The following SMARCA2 variants were observed in gnomAD, a reference collection of about 807,000 sequenced individuals.
SMARCA2 encodes SWI/SNF-related matrix-associated actin-dependent regulator of chromatin subfamily A member 2.
SMARCA2 carries 61 observed loss-of-function variants against 199.8 expected under a neutral mutation model. The ratio of observed to expected loss-of-function variants is 0.31; its 90% CI spans 0.25 to 0.38. The LOEUF (loss-of-function observed/expected upper bound fraction) is 0.38. SMARCA2 is among the 10% of genes least tolerant of loss of function. SMARCA2 has a pLI of 1.00. For synonymous variants in SMARCA2, 935 were observed against 732.0 expected (o/e 1.28, Z -4.48); for missense variants, 1,344 against 2,012.2 (o/e 0.67, Z 6.35).
chr9:2,090,876 G>T (rs1231375075), intron 19 of SMARCA2, among the ~76,000 whole-genome samples: 1 of 151,546 alleles, frequency 6.6e-6, no homozygotes, highest in Non-Finnish European at 1.5e-5. Context: ...TTTAGCCTGG[G>T]GAAAGTTGGA....
chr9:2,057,156 G>A (rs73638370), intron 7 of SMARCA2, among the ~76,000 whole-genome samples: 2,575 of 152,304 alleles, frequency 0.017, 75 homozygotes, highest in African/African-American at 0.058. Flanking sequence ...AGCAACAGAA[G>A]TTTATTTTTC....
chr9:2,058,662 A>T (rs558949058), intron 8 of SMARCA2, among the ~76,000 whole-genome samples, 198 bp downstream of exon 8: 1 of 152,240 alleles, frequency 6.6e-6, no homozygotes, highest in African/African-American at 2.4e-5. Context: ...ATCTAGGGGG[A>T]TGACTGATGC....
At chr9:2,167,341 A>G (rs1399385386) in intron 28 of SMARCA2, among the ~76,000 whole-genome samples, 1 of 152,256 alleles carries the variant, frequency 6.6e-6, no homozygotes, top group Non-Finnish European at 1.5e-5. Context: ...GGAAACAGAA[A>G]GTGAATAGGG....
intron 27 of SMARCA2, among the ~76,000 whole-genome samples, chr9:2,124,428 G>C (rs1030206059): frequency 3.3e-5 from 5 of 152,188 alleles, no homozygotes; most frequent in African/African-American, 1.2e-4. Flanking sequence ...TTATTTTGTA[G>C]ACCCATAGTA....
intron 13 of SMARCA2, 122 bp from the exon 14 acceptor site, chr9:2,077,507 G>C: frequency 1.1e-6 from 1 of 909,210 alleles, no homozygotes; most frequent in Non-Finnish European, 1.7e-6. Context: ...GGCAAGTCGT[G>C]GTTGATAAAT....
intron 27 of SMARCA2, among the ~76,000 whole-genome samples, chr9:2,124,458 C>T (rs1183799978): frequency 6.6e-6 from 1 of 152,142 alleles, no homozygotes; most frequent in East Asian, 1.9e-4. Context: ...CTGGAAGGTA[C>T]CTTTGTACTT....
At position 2,161,694 on chromosome 9, in the gene SMARCA2, A is replaced by G. The variant is rs749281899; in HGVS notation, c.3990A>G (p.Glu1330=). The G allele has an allele frequency of 6.2e-7, 1 of 1,612,712 alleles. No homozygotes were observed. Among genetic ancestry groups the G allele is most frequent in the South Asian group, 1.1e-5 (1 of 91,024 alleles). Residue 1330 remains glutamate, a synonymous_variant, in exon 28 of 34, where the codon GAA becomes GAG. Transcript: ENST00000349721. The surrounding 1 kb of genome is among the most constrained non-coding windows in gnomAD (Gnocchi z 4.7). ...LTEKQWLRAI[E]DGNLEEMEEE... Reference sequence around the variant, plus strand: ...TTGTTTCCAACGAACAGGCCATCGAAGACGGCAATTTGGAGGAAATGGAAG... The same window carrying G: ...TTGTTTCCAACGAACAGGCCATCGAGGACGGCAATTTGGAGGAAATGGAAG...
chr9:2,111,960 T>C (rs1263347670), intron 24 of SMARCA2, among the ~76,000 whole-genome samples: 4 of 152,230 alleles, frequency 2.6e-5, no homozygotes, highest in Admixed American at 6.5e-5. Context: ...TTGAAAAGGA[T>C]TGGGAGCCAC....
chr9:2,059,654 C>G (rs1820500008), intron 8 of SMARCA2, among the ~76,000 whole-genome samples: 2 of 152,196 alleles, frequency 1.3e-5, no homozygotes, highest in South Asian at 2.1e-4. Flanking sequence ...TTTTATCACT[C>G]TTTCTTCAAG....
intron 27 of SMARCA2, among the ~76,000 whole-genome samples, chr9:2,135,309 G>A (rs1238792450): frequency 6.6e-6 from 1 of 152,166 alleles, no homozygotes; most frequent in East Asian, 1.9e-4. Context: ...ATGTGGGTGA[G>A]GGTGAATCTT....
At chr9:2,078,049 C>G (rs1406581925) in intron 14 of SMARCA2, among the ~76,000 whole-genome samples, 1 of 152,182 alleles carries the variant, frequency 6.6e-6, no homozygotes, top group Non-Finnish European at 1.5e-5. Context: ...CAGCCACATT[C>G]TATTAAACTG....
At chr9:2,040,219 A>C in intron 4 of SMARCA2, 1 of 538,616 alleles carries the variant, frequency 1.9e-6, no homozygotes, top group African/African-American at 1.9e-5. Context: ...AAGGTTAAGA[A>C]CCTCTGGACT....
intron 4 of SMARCA2, chr9:2,042,368 G>A (rs140409688): frequency 1.3e-5 from 2 of 152,300 alleles, no homozygotes; most frequent in East Asian, 3.9e-4. Flanking sequence ...CCTCACAGTT[G>A]GTCCTGGGAT....
At chr9:2,176,182 G>GTTTTTTTTTTTTTTGTTTTTTTT (rs1554642562) in intron 29 of SMARCA2, among the ~76,000 whole-genome samples, 8 of 104,140 alleles carry the variant, frequency 7.7e-5, no homozygotes, top group African/African-American at 2.6e-4. Context: ...CGCCCGGCCT[G>GTTTTTTTTTTTTTTGTTTTTTTT]TTTTTTTTTT....
At chr9:2,158,083 C>T (rs1825464157) in intron 27 of SMARCA2, among the ~76,000 whole-genome samples, 1 of 148,410 alleles carries the variant, frequency 6.7e-6, no homozygotes, top group African/African-American at 2.5e-5. Context: ...GTTTGCATCT[C>T]GTTCTTGCAC....
At chr9:2,191,435 G>A in intron 33 of SMARCA2, 27 bp downstream of exon 33, 1 of 1,612,758 alleles carries the variant, frequency 6.2e-7, no homozygotes, top group Non-Finnish European at 8.5e-7. Flanking sequence ...GGGACTGAAG[G>A]CGGAGACGCC....
chr9:2,095,482 T>C (rs1441051553), intron 19 of SMARCA2, among the ~76,000 whole-genome samples: 1 of 152,212 alleles, frequency 6.6e-6, no homozygotes, highest in Non-Finnish European at 1.5e-5. Flanking sequence ...AATGCATACT[T>C]ATTGATTAAT....
chr9:2,140,824 G>A (rs536839220), intron 27 of SMARCA2, among the ~76,000 whole-genome samples: 1 of 152,180 alleles, frequency 6.6e-6, no homozygotes, highest in South Asian at 2.1e-4. Context: ...GATGCACACC[G>A]AGCCCCTGCC....
chr9:2,029,355 G>C, intron 2 of SMARCA2, 108 bp downstream of exon 2: 1 of 1,449,732 alleles, frequency 6.9e-7, no homozygotes, highest in East Asian at 2.5e-5. Context: ...AATCATGCAA[G>C]ATCTTTGTCT....
Sources: allele counts gnomAD v4.1 joint callset (sites outside exome capture counted in the v4.1 genomes callset), GRCh38; gene constraint gnomAD v4.1.1; non-coding constraint Gnocchi (gnomAD v3.1); transcripts MANE v1.5; gene names NCBI Gene and HGNC (gene_info 2026-07-23, HGNC 2026-07-21).